The following CMSS1 variants were observed in gnomAD, a reference collection of about 807,000 sequenced individuals.
CMSS1 encodes cms1 ribosomal small subunit homolog.
In CMSS1, 33 loss-of-function variants were observed where a neutral mutation model predicts 43.5. That is an observed-to-expected ratio of 0.76 (90% CI 0.57 to 1.01). The LOEUF (loss-of-function observed/expected upper bound fraction) is 1.01, where lower values mean the gene tolerates loss of function less well. Among genes scored for constraint, CMSS1 ranks in the 50% least tolerant of loss-of-function variants. The probability of loss-of-function intolerance (pLI) is 0.00; values close to 1 mark genes in which losing one functional copy is unlikely to be tolerated. For synonymous variants in CMSS1, 115 were observed against 117.2 expected (o/e 0.98, Z 0.12); for missense variants, 313 against 326.4 (o/e 0.96, Z 0.32).
intron 1 of CMSS1, among the ~76,000 whole-genome samples, chr3:99,967,266 A>C (rs759569402): frequency 1.3e-5 from 2 of 152,210 alleles, no homozygotes; most frequent in Non-Finnish European, 2.9e-5. Flanking sequence ...CTCTGATATT[A>C]ATACTTACCT....
At chr3:100,026,821 T>A (rs1342438302) in intron 1 of CMSS1, among the ~76,000 whole-genome samples, 2 of 152,142 alleles carry the variant, frequency 1.3e-5, no homozygotes, top group African/African-American at 4.8e-5. Flanking sequence ...CTTTCTCTCC[T>A]GCAGCCAGAA....
At chr3:99,920,730 T>G (rs1006557602) in intron 1 of CMSS1, among the ~76,000 whole-genome samples, 5 of 152,214 alleles carry the variant, frequency 3.3e-5, no homozygotes, top group Non-Finnish European at 7.4e-5. Flanking sequence ...GGCAAACATT[T>G]TGGCCTGAGC....
At chr3:99,989,693 CT>C (rs199895279) in intron 1 of CMSS1, among the ~76,000 whole-genome samples, 1 of 140,522 alleles carries the variant, frequency 7.1e-6, no homozygotes. Context: ...TATTTTTTTT[CT>C]TTTTTTTGCA....
chr3:99,873,035 T>G (rs2107586679), intron 1 of CMSS1, among the ~76,000 whole-genome samples: 1 of 152,308 alleles, frequency 6.6e-6, no homozygotes, highest in South Asian at 2.1e-4. Context: ...TACCTCATTT[T>G]AAGTAGAAAA....
intron 1 of CMSS1, among the ~76,000 whole-genome samples, chr3:99,979,352 C>T (rs532828459): frequency 2.6e-5 from 4 of 152,228 alleles, no homozygotes; most frequent in Admixed American, 1.3e-4. Flanking sequence ...TCTGTATATA[C>T]GGCTCAGAGT....
intron 1 of CMSS1, among the ~76,000 whole-genome samples, chr3:99,866,121 T>C (rs1193225882): frequency 6.6e-6 from 1 of 152,140 alleles, no homozygotes; most frequent in Non-Finnish European, 1.5e-5. Context: ...GCATGTATCC[T>C]TTTCCAGAAC....
At chr3:100,016,581 C>T (rs536338357) in intron 1 of CMSS1, among the ~76,000 whole-genome samples, 10 of 152,268 alleles carry the variant, frequency 6.6e-5, no homozygotes, top group African/African-American at 1.9e-4. Context: ...GATGTGAATG[C>T]TCCTAATCTT....
At chr3:99,894,753 C>T (rs545525008) in intron 1 of CMSS1, among the ~76,000 whole-genome samples, 1 of 152,206 alleles carries the variant, frequency 6.6e-6, no homozygotes, top group Admixed American at 6.5e-5. Context: ...GCTGAAAACT[C>T]CATTTAGGTA....
intron 1 of CMSS1, among the ~76,000 whole-genome samples, chr3:99,905,265 A>C (rs1384462083): frequency 2.0e-5 from 3 of 152,040 alleles, no homozygotes; most frequent in Non-Finnish European, 4.4e-5. Context: ...GAAACTCCCA[A>C]ATTTTTACCT....
intron 1 of CMSS1, among the ~76,000 whole-genome samples, chr3:99,858,844 A>G (rs1219483166): frequency 6.6e-6 from 1 of 152,214 alleles, no homozygotes. Context: ...TCAGTGGCAA[A>G]TTTGTCTTTC....
At chr3:100,077,737 C>T (rs1005983082) in intron 1 of CMSS1, among the ~76,000 whole-genome samples, 1 of 152,104 alleles carries the variant, frequency 6.6e-6, no homozygotes, top group African/African-American at 2.4e-5. Flanking sequence ...TGGCAAGACC[C>T]TGTCTCTACA....
chr3:99,920,502 T>C (rs906494625), intron 1 of CMSS1, among the ~76,000 whole-genome samples: 8 of 152,216 alleles, frequency 5.3e-5, no homozygotes, highest in African/African-American at 1.7e-4. Context: ...TTCAGGTCAT[T>C]GGTGACACAC....
intron 1 of CMSS1, among the ~76,000 whole-genome samples, chr3:99,886,233 TTCCTGGTG>T: frequency 9.3e-6 from 1 of 107,946 alleles, no homozygotes; most frequent in African/African-American, 3.7e-5. Context: ...CTATGCTGAG[TTCCTGGTG>T]AGAGGGGAAT....
chr3:100,164,134 CA>C (rs1291448939), intron 4 of CMSS1, among the ~76,000 whole-genome samples: 1 of 152,194 alleles, frequency 6.6e-6, no homozygotes, highest in East Asian at 1.9e-4. Context: ...GTTCCAATAG[CA>C]GTTATAATCC....
chr3:100,137,061 G>GA (rs2066762026), intron 1 of CMSS1, among the ~76,000 whole-genome samples: 1 of 152,232 alleles, frequency 6.6e-6, no homozygotes, highest in Non-Finnish European at 1.5e-5. Flanking sequence ...CTGTTCTTTG[G>GA]ATATGGGAAT....
intron 1 of CMSS1, among the ~76,000 whole-genome samples, chr3:99,981,825 G>T (rs1709132968): frequency 1.3e-5 from 2 of 152,264 alleles, no homozygotes; most frequent in Admixed American, 6.5e-5. Flanking sequence ...ATTAGGGAAG[G>T]TTCGTGAGAC....
chr3:100,153,890 G>A (rs1460982252), intron 2 of CMSS1, among the ~76,000 whole-genome samples: 4 of 147,036 alleles, frequency 2.7e-5, no homozygotes, highest in South Asian at 2.1e-4. Context: ...TTGCTCTGTC[G>A]CCCAGGCTGG....
intron 1 of CMSS1, among the ~76,000 whole-genome samples, chr3:99,896,740 G>A (rs1301410184): frequency 2.6e-5 from 4 of 152,190 alleles, no homozygotes; most frequent in Admixed American, 2.6e-4. Context: ...GTTCAGTAGA[G>A]TTTTGAGATT....
intron 1 of CMSS1, among the ~76,000 whole-genome samples, chr3:100,022,871 T>A (rs1576648644): frequency 6.6e-6 from 1 of 152,202 alleles, no homozygotes; most frequent in Non-Finnish European, 1.5e-5. Flanking sequence ...AGTTTTGGAC[T>A]GAGGTTTCAC....
Sources: gnomAD v4.1 joint callset for allele counts (sites outside exome capture counted in the v4.1 genomes callset) on GRCh38, gnomAD v4.1.1 for gene constraint, MANE v1.5 for transcripts, NCBI Gene and HGNC (gene_info 2026-07-23, HGNC 2026-07-21) for gene names.